The following INPP5F variants were observed in gnomAD, a reference collection of about 807,000 sequenced individuals.
The protein encoded by INPP5F is inositol polyphosphate-5-phosphatase F.
In INPP5F, 97 loss-of-function variants were observed where a neutral mutation model predicts 137.2. The observed-to-expected ratio is 0.71, with a 90% CI of 0.60 to 0.84. The LOEUF is 0.84. INPP5F is among the 40% of genes least tolerant of loss of function. The pLI is 0.00. For missense variants in INPP5F, 1,271 were observed against 1,371.9 expected (o/e 0.93, Z 1.16); for synonymous variants, 504 against 476.9 (o/e 1.06, Z -0.74).
chr10:119,794,133 G>C (rs1850242222), intron 6 of INPP5F, among the ~76,000 whole-genome samples: 1 of 152,000 alleles, frequency 6.6e-6, no homozygotes, highest in Non-Finnish European at 1.5e-5. Flanking sequence ...GTGAACAAAG[G>C]TCTCTGGTTT....
chr10:119,804,683 G>A (rs1361257444), intron 10 of INPP5F, among the ~76,000 whole-genome samples: 5 of 151,288 alleles, frequency 3.3e-5, no homozygotes, highest in East Asian at 1.9e-4. Flanking sequence ...CTTCTTTCTC[G>A]ATGGGTAAAC....
intron 2 of INPP5F, among the ~76,000 whole-genome samples, chr10:119,776,104 A>G (rs1202399303): frequency 6.6e-6 from 1 of 152,240 alleles, no homozygotes; most frequent in Non-Finnish European, 1.5e-5. Flanking sequence ...GCTTTGAAGT[A>G]TACAAGAAGC....
rs573486704 is a variant in INPP5F, at chr10:119,828,440, C to G, written c.*660C>G. 13 of 152,274 alleles carry G rather than the reference C, an allele frequency of 8.5e-5. No homozygotes were observed. The highest frequency in any genetic ancestry group is 2.6e-4 in the Admixed American group (4 of 15,296). 9.4% of individuals were successfully genotyped at this position (152,274 alleles called of 1,614,324 possible). ...TTGTCACACAGTAAACCTGATACAT[C>G]AGAGGTGAATACCAGCACCTATTAG... On this transcript the variant is annotated 3_prime_UTR_variant, in exon 20 of 20. Coordinates refer to ENST00000650623, the MANE Select transcript of INPP5F (RefSeq NM_014937.4).
chr10:119,781,129 G>A (rs1237826573), intron 2 of INPP5F, among the ~76,000 whole-genome samples: 1 of 152,208 alleles, frequency 6.6e-6, no homozygotes, highest in African/African-American at 2.4e-5. Flanking sequence ...TGGACATTAG[G>A]CTGTTTCCAG....
chr10:119,812,938 T>G (rs1679863311), intron 15 of INPP5F, among the ~76,000 whole-genome samples: 1 of 152,022 alleles, frequency 6.6e-6, no homozygotes, highest in Admixed American at 6.5e-5. Context: ...AAAAGAGTAC[T>G]TTTACTTCCC....
chr10:119,727,410 CAT>C (rs1444526622), intron 1 of INPP5F, among the ~76,000 whole-genome samples: 2 of 152,182 alleles, frequency 1.3e-5, no homozygotes, highest in African/African-American at 4.8e-5. Flanking sequence ...GGCCCTTTAA[CAT>C]ATTATTTCCA....
At chr10:119,738,090 A>G (rs1457280202) in intron 1 of INPP5F, among the ~76,000 whole-genome samples, 2 of 152,208 alleles carry the variant, frequency 1.3e-5, no homozygotes, top group Non-Finnish European at 2.9e-5. Flanking sequence ...GGGCATATGA[A>G]AATAGAAGCC....
intron 2 of INPP5F, among the ~76,000 whole-genome samples, chr10:119,772,509 G>T (rs1444576842): frequency 6.6e-6 from 1 of 151,970 alleles, no homozygotes; most frequent in African/African-American, 2.4e-5. Context: ...TTCATAGTGT[G>T]ATTTACCACC....
chr10:119,752,264 A>T (rs1848709297), intron 2 of INPP5F, among the ~76,000 whole-genome samples: 1 of 152,192 alleles, frequency 6.6e-6, no homozygotes. Context: ...TTTAAAATAC[A>T]CGCATGTATC....
At chr10:119,820,959 A>T in intron 16 of INPP5F, 42 bp downstream of exon 16, 1 of 1,227,138 alleles carries the variant, frequency 8.1e-7, no homozygotes, top group African/African-American at 1.5e-5. Flanking sequence ...TTTGTTTTTT[A>T]AACTTGAGTA....
rs1851881311 is a variant in INPP5F, at chr10:119,828,909, A to C, written c.*1129A>C. 2 of 152,696 alleles carry C rather than the reference A, an allele frequency of 1.3e-5. No individual in the cohort carries two copies. Among genetic ancestry groups the C allele is most frequent in the Non-Finnish European group, 2.9e-5 (2 of 68,074 alleles). 9.5% of individuals were successfully genotyped at this position (152,696 alleles called of 1,614,324 possible). The stretch of plus-strand genomic sequence containing the variant: ...TGTCTGACTATAACTCTGACCACAC[A>C]GAACCAGGGCTGCCCCTGTAATCCC... On this transcript the variant is annotated 3_prime_UTR_variant, in exon 20 of 20. Transcript: ENST00000650623.
intron 2 of INPP5F, among the ~76,000 whole-genome samples, chr10:119,753,615 G>A (rs1798325685): frequency 6.6e-6 from 1 of 152,090 alleles, no homozygotes; most frequent in South Asian, 2.1e-4. Flanking sequence ...GGATAACCTG[G>A]ACGTCCTTTC....
At chr10:119,785,723 T>G (rs2134190765) in intron 3 of INPP5F, among the ~76,000 whole-genome samples, 1 of 152,042 alleles carries the variant, frequency 6.6e-6, no homozygotes, top group African/African-American at 2.4e-5. Context: ...GCTGGGCATA[T>G]TTGTGTGTAC....
chr10:119,727,564 A>G (rs2134093475), intron 1 of INPP5F, among the ~76,000 whole-genome samples: 1 of 152,344 alleles, frequency 6.6e-6, no homozygotes, highest in Middle Eastern at 3.4e-3. Flanking sequence ...GACCTCCAGA[A>G]CACTTTTGGG....
chr10:119,799,302 T>G, intron 9 of INPP5F: 1 of 447,140 alleles, frequency 2.2e-6, no homozygotes, highest in South Asian at 1.6e-5. Context: ...AATGCATTTT[T>G]TTTTCAGCAA....
At chr10:119,767,107 G>GGAAAAAAA (rs1275741171) in intron 2 of INPP5F, among the ~76,000 whole-genome samples, 1 of 40,540 alleles carries the variant, frequency 2.5e-5, no homozygotes, top group Non-Finnish European at 4.0e-5. Context: ...TCTGTCTCCA[G>GGAAAAAAA]AAAAAAAAAA....
intron 6 of INPP5F, among the ~76,000 whole-genome samples, chr10:119,794,976 G>A (rs1423884988): frequency 7.2e-6 from 1 of 139,314 alleles, no homozygotes; most frequent in Non-Finnish European, 1.6e-5. Flanking sequence ...AGGGGTGGCC[G>A]GGCAGAGGCG....
chr10:119,806,524 C>T, intron 12 of INPP5F, 44 bp downstream of exon 12: 1 of 1,507,526 alleles, frequency 6.6e-7, no homozygotes, highest in South Asian at 1.3e-5. Context: ...TTTCGAAATG[C>T]TTTTTTTTTC....
chr10:119,745,411 A>G (rs1313094864), intron 1 of INPP5F, among the ~76,000 whole-genome samples: 4 of 149,082 alleles, frequency 2.7e-5, no homozygotes, highest in Non-Finnish European at 5.9e-5. Flanking sequence ...TCAAGCCAAG[A>G]CTTTTGCAGT....
Sources: allele counts gnomAD v4.1 joint callset (sites outside exome capture counted in the v4.1 genomes callset), GRCh38; gene constraint gnomAD v4.1.1; transcripts MANE v1.5; gene names NCBI Gene and HGNC (gene_info 2026-07-23, HGNC 2026-07-21).